PCSK5: variants seen among roughly 807,000 people sequenced by gnomAD.
PCSK5 encodes the protein proprotein convertase subtilisin/kexin type 5, also known as prohormone convertase 5.
Under a neutral mutation model 233.2 loss-of-function variants are expected in PCSK5, and 129 were observed. The observed-to-expected ratio is 0.55, with a 90% CI of 0.48 to 0.64. The LOEUF (loss-of-function observed/expected upper bound fraction) is 0.64. Among genes scored for constraint, PCSK5 ranks in the 30% least tolerant of loss-of-function variants. The probability of loss-of-function intolerance (pLI) is 0.00; values close to 1 mark genes in which losing one functional copy is unlikely to be tolerated. For missense variants in PCSK5, 2,076 were observed against 2,430.1 expected, an observed-to-expected ratio of 0.85 and a Z score of 3.06; for synonymous variants, 825 against 879.2, an observed-to-expected ratio of 0.94 and a Z score of 1.09.
intron 27 of PCSK5, among the ~76,000 whole-genome samples, chr9:76,299,256 T>C (rs1036009136): frequency 9.2e-5 from 14 of 152,214 alleles, no homozygotes; most frequent in African/African-American, 3.4e-4. Flanking sequence ...TGCTCGACTC[T>C]CTGTTTTTTC....
chr9:76,177,488 A>G (rs991349885), intron 14 of PCSK5, among the ~76,000 whole-genome samples: 3 of 152,238 alleles, frequency 2.0e-5, no homozygotes, highest in Non-Finnish European at 2.9e-5. Context: ...GCATCCTAGA[A>G]TCAATAAACA....
intron 20 of PCSK5, among the ~76,000 whole-genome samples, chr9:76,199,477 A>G (rs1463860795): frequency 6.6e-6 from 1 of 152,152 alleles, no homozygotes; most frequent in Non-Finnish European, 1.5e-5. Context: ...ATGATGTGAG[A>G]CCTGCAGAGA....
At chr9:76,109,725 A>C (rs573177930) in intron 9 of PCSK5, among the ~76,000 whole-genome samples, 1 of 152,168 alleles carries the variant, frequency 6.6e-6, no homozygotes, top group African/African-American at 2.4e-5. Flanking sequence ...AAAATGGATG[A>C]TGAACTATCT....
chr9:76,090,168 C>A (rs1831227446), intron 7 of PCSK5, among the ~76,000 whole-genome samples: 1 of 152,186 alleles, frequency 6.6e-6, no homozygotes, highest in African/African-American at 2.4e-5. Context: ...ATTTCCCACA[C>A]TTTAGGAAAA....
At chr9:76,006,334 T>A (rs1827478357) in intron 3 of PCSK5, among the ~76,000 whole-genome samples, 1 of 152,128 alleles carries the variant, frequency 6.6e-6, no homozygotes, top group Admixed American at 6.5e-5. Context: ...GTATATATAG[T>A]TTATATTTTG....
rs1458877645 is a variant in PCSK5, at chr9:76,163,840, TA to T, written c.1619+4670del. ...AGATTCTTTCTTCAGCTGCATCTGTTAGAATTATAAAAAGCTGTCTTTTTTT... is the reference window on the plus strand; with the variant it reads ...AGATTCTTTCTTCAGCTGCATCTGTTGAATTATAAAAAGCTGTCTTTTTTT... On this transcript the variant is annotated intron_variant, in intron 12 of 37. Transcript: ENST00000674117. Among the ~76,000 whole-genome samples, 6 of 150,346 alleles carry T rather than the reference TA, an allele frequency of 4.0e-5. No individual in the cohort carries two copies. The South Asian group carries it at 1.1e-3, about 26-fold the overall frequency.
At chr9:76,153,614 T>A (rs1463353944) in intron 10 of PCSK5, among the ~76,000 whole-genome samples, 1 of 152,236 alleles carries the variant, frequency 6.6e-6, no homozygotes, top group African/African-American at 2.4e-5. Context: ...ACTGTTTGCA[T>A]GGTATATTTG....
At chr9:76,091,412 CT>C (rs1831284127) in intron 7 of PCSK5, among the ~76,000 whole-genome samples, 1 of 152,172 alleles carries the variant, frequency 6.6e-6, no homozygotes, top group African/African-American at 2.4e-5. Context: ...CGGCCCCACA[CT>C]TATGACCTCA....
intron 3 of PCSK5, among the ~76,000 whole-genome samples, chr9:76,002,716 G>A (rs1182520641): frequency 6.6e-6 from 1 of 152,102 alleles, no homozygotes; most frequent in Admixed American, 6.5e-5. Flanking sequence ...CTGGCGGAAG[G>A]GAAACAAGTG....
intron 12 of PCSK5, among the ~76,000 whole-genome samples, chr9:76,163,859 C>CTT (rs67386134): frequency 0.022 from 2,127 of 97,682 alleles, 110 homozygotes; most frequent in African/African-American, 0.057. Context: ...AAAAAGCTGT[C>CTT]TTTTTTTTTT....
At chr9:76,179,412 C>G (rs1823749959) in intron 14 of PCSK5, among the ~76,000 whole-genome samples, 184 bp from the exon 15 acceptor site, 2 of 151,370 alleles carry the variant, frequency 1.3e-5, no homozygotes, top group South Asian at 4.2e-4. Context: ...GCCTAGGAAT[C>G]AAAAGTCAAA....
chr9:76,339,598 G>T (rs1829773888), intron 35 of PCSK5, among the ~76,000 whole-genome samples: 1 of 152,144 alleles, frequency 6.6e-6, no homozygotes, highest in Non-Finnish European at 1.5e-5. Flanking sequence ...AGGCTGGAGT[G>T]CAGTGGCGCG....
chr9:76,330,810 C>G (rs1198061549), intron 33 of PCSK5, among the ~76,000 whole-genome samples: 3 of 152,058 alleles, frequency 2.0e-5, no homozygotes. Flanking sequence ...AGCTCCTGGT[C>G]CACAAATCTC....
At chr9:76,093,475 C>T (rs1831382595) in intron 7 of PCSK5, among the ~76,000 whole-genome samples, 1 of 151,844 alleles carries the variant, frequency 6.6e-6, no homozygotes, top group African/African-American at 2.4e-5. Context: ...AAAAATGCTT[C>T]CTAAATATTT....
chr9:76,110,081 C>A (rs558267932), intron 9 of PCSK5, among the ~76,000 whole-genome samples: 2 of 152,140 alleles, frequency 1.3e-5, no homozygotes, highest in African/African-American at 4.8e-5. Flanking sequence ...AGCCCTTGAA[C>A]CTTGGTATTT....
chr9:76,139,583 G>T (rs1424800380), intron 10 of PCSK5, among the ~76,000 whole-genome samples: 1 of 151,966 alleles, frequency 6.6e-6, no homozygotes, highest in Non-Finnish European at 1.5e-5. Context: ...AAGACAGAGG[G>T]AAGTAAATAC....
chr9:76,124,284 T>A (rs910310254), intron 9 of PCSK5, among the ~76,000 whole-genome samples: 2 of 152,156 alleles, frequency 1.3e-5, no homozygotes, highest in East Asian at 3.9e-4. Context: ...TGTGTGTTCA[T>A]TAAGTGAAGT....
At chr9:75,943,553 T>C (rs1824417132) in intron 2 of PCSK5, among the ~76,000 whole-genome samples, 1 of 152,212 alleles carries the variant, frequency 6.6e-6, no homozygotes, top group Non-Finnish European at 1.5e-5. Context: ...ATCTTATTTG[T>C]ATACTGAGTT....
At chr9:76,017,047 G>A (rs989482980) in intron 3 of PCSK5, among the ~76,000 whole-genome samples, 14 of 151,766 alleles carry the variant, frequency 9.2e-5, no homozygotes, top group African/African-American at 3.4e-4. Context: ...CATAGTAGAT[G>A]GGGACCATGG....
Sources: gnomAD v4.1 joint callset for allele counts (sites outside exome capture counted in the v4.1 genomes callset) on GRCh38, gnomAD v4.1.1 for gene constraint, MANE v1.5 for transcripts, NCBI Gene and HGNC (gene_info 2026-07-23, HGNC 2026-07-21) for gene names.